The following ERO1A variants were observed in gnomAD, a reference collection of about 807,000 sequenced individuals.
ERO1A encodes the protein endoplasmic reticulum oxidoreductase 1 alpha.
Under a neutral mutation model 76.9 loss-of-function variants are expected in ERO1A, and 49 were observed. The observed-to-expected ratio is 0.64, with a 90% CI of 0.51 to 0.81. ERO1A has a LOEUF of 0.81. ERO1A is among the 30% of genes least tolerant of loss of function. The pLI is 0.00. For synonymous variants in ERO1A, 174 were observed against 181.2 expected (o/e 0.96, Z 0.32); for missense variants, 448 against 542.1 (o/e 0.83, Z 1.72).
chr14:52,694,687 G>A (rs1274357208), intron 1 of ERO1A, among the ~76,000 whole-genome samples: 1 of 151,900 alleles, frequency 6.6e-6, no homozygotes, highest in Non-Finnish European at 1.5e-5. Context: ...TCTTACAGAA[G>A]GAAATGATCA....
At chr14:52,669,921 A>G (rs7144458) in intron 6 of ERO1A, among the ~76,000 whole-genome samples, 22,581 of 152,046 alleles carry the variant, frequency 0.15, 1,878 homozygotes, top group African/African-American at 0.22. Context: ...GTTTTCACTA[A>G]TTTTTTGTTG....
intron 6 of ERO1A, among the ~76,000 whole-genome samples, chr14:52,667,193 C>T (rs907355404): frequency 3.3e-5 from 5 of 152,166 alleles, no homozygotes; most frequent in Admixed American, 6.5e-5. Context: ...TTACCAAATA[C>T]TTTCTTCTTA....
At chr14:52,694,671 CA>C (rs545288775) in intron 1 of ERO1A, among the ~76,000 whole-genome samples, 57 of 151,696 alleles carry the variant, frequency 3.8e-4, no homozygotes, top group Non-Finnish European at 5.2e-4. Flanking sequence ...CTCAAGAAAC[CA>C]CATCTCTTAC....
intron 3 of ERO1A, among the ~76,000 whole-genome samples, chr14:52,679,784 C>T (rs1295271662): frequency 6.6e-6 from 1 of 152,134 alleles, no homozygotes; most frequent in African/African-American, 2.4e-5. Context: ...GGTACAGCGG[C>T]TTATGCCCAT....
chr14:52,665,435 G>A (rs1258257162), intron 7 of ERO1A, among the ~76,000 whole-genome samples: 1 of 148,806 alleles, frequency 6.7e-6, no homozygotes, highest in Non-Finnish European at 1.5e-5. Flanking sequence ...CCAAACTGGA[G>A]AAATTCTTCA....
intron 4 of ERO1A, 116 bp from the exon 5 acceptor site, chr14:52,671,987 A>G: frequency 1.3e-6 from 1 of 752,092 alleles, no homozygotes; most frequent in South Asian, 2.1e-5. Context: ...ATATGTTCTT[A>G]TTGCTTTTAA....
intron 7 of ERO1A, among the ~76,000 whole-genome samples, chr14:52,665,217 G>A (rs111754778): frequency 0.01 from 1,558 of 149,528 alleles, 18 homozygotes; most frequent in African/African-American, 0.035. Flanking sequence ...CAGGAGAATC[G>A]CTTGAACCTG....
At chr14:52,650,502 AACT>A (rs1256944492) in intron 13 of ERO1A, among the ~76,000 whole-genome samples, 2 of 151,720 alleles carry the variant, frequency 1.3e-5, no homozygotes, top group African/African-American at 4.8e-5. Flanking sequence ...AAAAAAAAAA[AACT>A]ACTCAATAAT....
intron 1 of ERO1A, among the ~76,000 whole-genome samples, chr14:52,686,645 A>T (rs1263645362): frequency 6.6e-6 from 1 of 152,188 alleles, no homozygotes; most frequent in African/African-American, 2.4e-5. Flanking sequence ...TGGGTGGCCG[A>T]GGCAGGCGGA....
At chr14:52,692,629 T>C (rs2041390237) in intron 1 of ERO1A, among the ~76,000 whole-genome samples, 1 of 152,198 alleles carries the variant, frequency 6.6e-6, no homozygotes, top group Admixed American at 6.5e-5. Flanking sequence ...GTTTTTTAAG[T>C]GCTTAGGATC....
At position 52,641,101 on chromosome 14, in the gene ERO1A, C is replaced by G. The variant is rs1242783163; in HGVS notation, c.*2469G>C. On this transcript the variant is annotated 3_prime_UTR_variant, in exon 16 of 16. Transcript: ENST00000395686. Reference sequence around the variant, plus strand: ...AATGTAAGAAGTCAAGGGAATAAATCTTTAAAGTAGGGGTTGTCAAAAATG... The same window carrying G: ...AATGTAAGAAGTCAAGGGAATAAATGTTTAAAGTAGGGGTTGTCAAAAATG... The G allele has an allele frequency of 6.6e-6, 1 of 152,016 alleles. No individual in the cohort carries two copies. The highest frequency in any genetic ancestry group is 2.4e-5 in the African/African-American group (1 of 41,384). 9.4% of individuals were successfully genotyped at this position (152,016 alleles called of 1,614,324 possible). A position where few individuals can be genotyped will look rare whatever the true frequency, so the allele number is the denominator to read the frequency against.
At chr14:52,690,510 G>A (rs918936873) in intron 1 of ERO1A, among the ~76,000 whole-genome samples, 3 of 152,168 alleles carry the variant, frequency 2.0e-5, no homozygotes, top group African/African-American at 7.2e-5. Context: ...GGAGGCCAAG[G>A]AGGGCAGATC....
chr14:52,671,959 AT>A (rs947824239), intron 4 of ERO1A, 88 bp from the exon 5 acceptor site: 80 of 903,226 alleles, frequency 8.9e-5, no homozygotes, highest in Admixed American at 4.7e-4. Context: ...AGCTCTTTTT[AT>A]TTTTTTTATT....
chr14:52,664,635 AGT>A (rs1202024366), intron 7 of ERO1A, among the ~76,000 whole-genome samples: 7 of 152,238 alleles, frequency 4.6e-5, no homozygotes, highest in African/African-American at 1.7e-4. Flanking sequence ...TGACTACAAA[AGT>A]AATACAAATC....
Position 52,695,503 on chromosome 14 carries a change from C to T in ERO1A, c.-22G>A, listed in dbSNP as rs778658754. ...CCATTGCAGCTCCGGCAGCTTGTCG[C>T]CCCACGCTTGGGAGGCCAGTCCGCA... On this transcript the variant is annotated 5_prime_UTR_variant, in exon 1 of 16. Coordinates refer to ENST00000395686, the MANE Select transcript of ERO1A (RefSeq NM_014584.3). 1.1e-5 allele frequency: 16 copies of T among 1,468,834 alleles called. No individual in the cohort carries two copies. The highest frequency in any genetic ancestry group is 1.5e-5 in the Non-Finnish European group (16 of 1,100,214). The allele number at this position is 1,468,834 out of a possible 1,614,324, so 91.0% of individuals were successfully genotyped here.
rs2040870330 is a variant in ERO1A at position 52,678,297 on chromosome 14, G to C, written c.357+137C>G. 7.2e-6 allele frequency: 4 copies of C among 554,320 alleles called. No homozygotes were observed. In the South Asian group the frequency reaches 9.8e-5, roughly 14 times the overall value. The allele number at this position is 554,320 out of a possible 1,614,324, so 34.3% of individuals were successfully genotyped here. A position where few individuals can be genotyped will look rare whatever the true frequency, so the allele number is the denominator to read the frequency against. On this transcript the variant is annotated intron_variant, in intron 4 of 15. Transcript: ENST00000395686. ...AATGTTAAACAAAAACAAACAGAAA[G>C]AGAGCCATTCAGCATAAATACCTCT... is the stretch of plus-strand genomic sequence containing the variant.
intron 7 of ERO1A, among the ~76,000 whole-genome samples, chr14:52,664,934 G>A (rs1169425622): frequency 4.0e-5 from 6 of 151,840 alleles, no homozygotes; most frequent in African/African-American, 7.3e-5. Context: ...CTCGTGATCC[G>A]CCCGCCTTGG....
chr14:52,661,350 GC>G, intron 8 of ERO1A, 46 bp from the exon 9 acceptor site: 1 of 1,405,468 alleles, frequency 7.1e-7, no homozygotes, highest in Non-Finnish European at 9.4e-7. Context: ...TCCTTCCAGT[GC>G]CCCTTTTATA....
intron 2 of ERO1A, 125 bp from the exon 3 acceptor site, chr14:52,682,533 T>C (rs2041033057): frequency 3.1e-6 from 2 of 654,056 alleles, no homozygotes; most frequent in South Asian, 2.1e-5. Context: ...TTCTTCCACC[T>C]ATCTGTTGCC....
Sources: allele counts gnomAD v4.1 joint callset (sites outside exome capture counted in the v4.1 genomes callset), GRCh38; gene constraint gnomAD v4.1.1; transcripts MANE v1.5; gene names NCBI Gene and HGNC (gene_info 2026-07-23, HGNC 2026-07-21).